ZNF609: variants seen among roughly 807,000 people sequenced by gnomAD.
ZNF609 encodes the protein zinc finger protein 609.
Under a neutral mutation model 109.5 loss-of-function variants are expected in ZNF609, and 11 were observed. The ratio of observed to expected loss-of-function variants is 0.10; its 90% CI spans 0.06 to 0.17. The LOEUF is 0.17. ZNF609 is among the 10% of genes least tolerant of loss of function. The probability of loss-of-function intolerance (pLI) is 1.00; values close to 1 mark genes in which losing one functional copy is unlikely to be tolerated. For missense variants in ZNF609, 1,559 were observed against 1,772.4 expected, an observed-to-expected ratio of 0.88 and a Z score of 2.16; for synonymous variants, 646 against 662.0, an observed-to-expected ratio of 0.98 and a Z score of 0.37.
At chr15:64,480,066 G>A (rs376606317) in intron 1 of ZNF609, among the ~76,000 whole-genome samples, 32 of 150,512 alleles carry the variant, frequency 2.1e-4, no homozygotes, top group African/African-American at 7.3e-4. Context: ...GCAAAACCCC[G>A]TCTCTACTAA....
At chr15:64,538,777 C>G (rs1219877663) in intron 2 of ZNF609, among the ~76,000 whole-genome samples, 2 of 152,144 alleles carry the variant, frequency 1.3e-5, no homozygotes, top group Non-Finnish European at 2.9e-5. Flanking sequence ...AACTCCCGAC[C>G]TCAAGTGATC....
At chr15:64,514,183 A>G (rs545832021) in intron 2 of ZNF609, among the ~76,000 whole-genome samples, 1 of 151,612 alleles carries the variant, frequency 6.6e-6, no homozygotes, top group South Asian at 2.1e-4. Context: ...GGCCCAAACC[A>G]TTCAAATTGG....
chr15:64,534,645 C>G (rs1894113117), intron 2 of ZNF609, among the ~76,000 whole-genome samples: 1 of 151,768 alleles, frequency 6.6e-6, no homozygotes. Context: ...TACCCACTTT[C>G]CCTGCACATG....
intron 2 of ZNF609, among the ~76,000 whole-genome samples, chr15:64,613,013 T>A: frequency 6.6e-6 from 1 of 151,722 alleles, no homozygotes; most frequent in East Asian, 1.9e-4. Flanking sequence ...AGACTCTGTC[T>A]AAAACACAGA....
intron 2 of ZNF609, among the ~76,000 whole-genome samples, chr15:64,600,169 A>C (rs1895470765): frequency 6.6e-6 from 1 of 152,152 alleles, no homozygotes; most frequent in African/African-American, 2.4e-5. Context: ...TAGAAAAATT[A>C]GCCAGGTGAG....
intron 3 of ZNF609, among the ~76,000 whole-genome samples, chr15:64,640,846 C>A (rs1025065597): frequency 1.3e-5 from 2 of 152,178 alleles, no homozygotes; most frequent in Non-Finnish European, 2.9e-5. Flanking sequence ...GGTGAAACAG[C>A]CTTTGTGGCA....
At chr15:64,542,535 A>C (rs1039534095) in intron 2 of ZNF609, among the ~76,000 whole-genome samples, 1 of 152,168 alleles carries the variant, frequency 6.6e-6, no homozygotes, top group Non-Finnish European at 1.5e-5. Flanking sequence ...CTATATTTTT[A>C]TATTTTACAT....
intron 3 of ZNF609, among the ~76,000 whole-genome samples, chr15:64,627,634 G>C (rs2140977901): frequency 6.8e-6 from 1 of 147,228 alleles, no homozygotes. Flanking sequence ...ATTAGGACCT[G>C]ACAGTTCTTT....
intron 3 of ZNF609, among the ~76,000 whole-genome samples, chr15:64,648,164 A>T (rs1399664832): frequency 6.6e-6 from 1 of 152,174 alleles, no homozygotes; most frequent in Non-Finnish European, 1.5e-5. Flanking sequence ...AAGAAAGTGT[A>T]ATCTTATCTT....
intron 3 of ZNF609, among the ~76,000 whole-genome samples, chr15:64,624,796 G>A (rs1447754067): frequency 7.5e-6 from 1 of 133,054 alleles, no homozygotes; most frequent in Non-Finnish European, 1.6e-5. Context: ...GTCTCACCCT[G>A]TCACCCAGGC....
intron 2 of ZNF609, among the ~76,000 whole-genome samples, chr15:64,552,234 T>C (rs1894494520): frequency 6.6e-6 from 1 of 152,214 alleles, no homozygotes; most frequent in South Asian, 2.1e-4. Flanking sequence ...AAAATCTTTG[T>C]CTAACCTAAG....
In ZNF609 at chr15:64,499,462, G is replaced by A. The variant is rs1893527792; in HGVS notation, c.43G>A (p.Ala15Thr). 2 of 1,614,086 alleles carry A rather than the reference G, an allele frequency of 1.2e-6. No homozygotes were observed. The highest frequency in any genetic ancestry group is 1.7e-6 in the Non-Finnish European group (2 of 1,180,010). ...SGASGGKGVD[A>T]NPVETYDSGD... ...AGCCTCCGGAGGGAAAGGAGTGGAT[G>A]CAAACCCGGTTGAGACATACGACAG... Residue 15 changes from alanine to threonine, a missense_variant, in exon 2 of 10, where the codon GCA becomes ACA. Transcript: ENST00000326648.
At position 64,680,755 on chromosome 15, in the gene ZNF609, A is replaced by C; in HGVS notation, c.4055A>C (p.Asp1352Ala). ...GCAAGTGGGGGTGAACGGAGTGTTG[A>C]CCGGCCCCGCACCTCTCCTTCCCAG... is the stretch of plus-strand genomic sequence containing the variant. ...GGASGGERSV[D>A]RPRTSPSQRL... The change falls in exon 8 of 10, where the codon GAC (aspartate) becomes GCC (alanine). Residue 1352 changes from aspartate (D) to alanine (A), a missense_variant. Physicochemically the swap from Asp to Ala is moderately radical, Grantham distance 126 (BLOSUM62 -2). Around this residue, in one of 4 missense-constraint regions of ZNF609, gnomAD observed 1,204 missense variants for 1,314.1 expected, o/e 0.92. Transcript: ENST00000326648. 1 of 1,613,452 alleles carries C rather than the reference A, an allele frequency of 6.2e-7. No homozygotes were observed. The highest frequency in any genetic ancestry group is 8.5e-7 in the Non-Finnish European group (1 of 1,179,936).
intron 1 of ZNF609, among the ~76,000 whole-genome samples, chr15:64,497,093 G>T (rs1893492447): frequency 6.6e-6 from 1 of 152,176 alleles, no homozygotes; most frequent in Non-Finnish European, 1.5e-5. Context: ...GGGATTACAG[G>T]CATGAGCCAC....
intron 3 of ZNF609, among the ~76,000 whole-genome samples, chr15:64,630,766 C>T (rs1896060802): frequency 1.3e-5 from 2 of 152,066 alleles, no homozygotes; most frequent in Non-Finnish European, 2.9e-5. Context: ...CTGCACCAGG[C>T]CTTACTCTCC....
Position 64,629,379 on chromosome 15 carries a change from G to T in ZNF609, c.973+6327G>T, listed in dbSNP as rs772363199. 8.5e-5 allele frequency among the ~76,000 whole-genome samples: 13 copies of T among 152,320 alleles called. 1 individual carries two copies. The East Asian group carries it at 1.2e-3, about 14-fold the overall frequency. On this transcript the variant is annotated intron_variant, in intron 3 of 9. Coordinates refer to ENST00000326648, the MANE Select transcript of ZNF609 (RefSeq NM_015042.2). ...GAATGGCATTTAGCTGCTTGGAGAA[G>T]AAATGAAACTATAATAATGATTTAA...
intron 2 of ZNF609, among the ~76,000 whole-genome samples, chr15:64,588,578 C>T (rs1452520777): frequency 2.6e-5 from 4 of 151,470 alleles, no homozygotes; most frequent in African/African-American, 9.7e-5. Flanking sequence ...CTCCTGGGCT[C>T]AGGTGGTCCT....
At position 64,681,956 on chromosome 15, in the gene ZNF609, G is replaced by T. The variant is rs2083211836; in HGVS notation, c.*270G>T. 1.3e-5 allele frequency: 2 copies of T among 152,890 alleles called. No individual in the cohort carries two copies. The highest frequency in any genetic ancestry group is 4.8e-5 in the African/African-American group (2 of 41,448). The allele number at this position is 152,890 out of a possible 1,614,324, so 9.5% of individuals were successfully genotyped here. On this transcript the variant is annotated 3_prime_UTR_variant, in exon 10 of 10. Coordinates refer to ENST00000326648, the MANE Select transcript of ZNF609 (RefSeq NM_015042.2). ...CACAGTTATGACTATTGTGGCCTCTGTGGAGATGAAGGCACGGGAAGCAAC... is the reference window on the plus strand; with the variant it reads ...CACAGTTATGACTATTGTGGCCTCTTTGGAGATGAAGGCACGGGAAGCAAC...
At chr15:64,514,087 C>CAA (rs371289323) in intron 2 of ZNF609, among the ~76,000 whole-genome samples, 2,570 of 96,996 alleles carry the variant, frequency 0.026, 97 homozygotes, top group African/African-American at 0.084. Context: ...GCAAGACCCT[C>CAA]AAAAAAAAAA....
Sources: allele counts gnomAD v4.1 joint callset (sites outside exome capture counted in the v4.1 genomes callset), GRCh38; gene constraint gnomAD v4.1.1; regional missense constraint gnomAD v4.1.1; transcripts MANE v1.5; gene names NCBI Gene and HGNC (gene_info 2026-07-23, HGNC 2026-07-21).